ZNF385D: variants seen among roughly 807,000 people sequenced by gnomAD.
ZNF385D encodes zinc finger protein 659.
Under a neutral mutation model 35.8 loss-of-function variants are expected in ZNF385D, and 15 were observed. That is an observed-to-expected ratio of 0.42 (90% CI 0.28 to 0.64). ZNF385D has a LOEUF of 0.64. ZNF385D is among the 30% of genes least tolerant of loss of function. The probability of loss-of-function intolerance (pLI) is 0.23; values close to 1 mark genes in which losing one functional copy is unlikely to be tolerated. For missense variants in ZNF385D, 474 were observed against 494.6 expected (o/e 0.96, Z 0.39); for synonymous variants, 212 against 186.8 (o/e 1.13, Z -1.10).
intron 3 of ZNF385D, among the ~76,000 whole-genome samples, chr3:21,934,105 T>G (rs1385092126): frequency 6.6e-6 from 1 of 152,178 alleles, no homozygotes; most frequent in African/African-American, 2.4e-5. Context: ...GAGCATGCTT[T>G]TCAGCCAAGG....
At chr3:22,325,805 G>A (rs1459224042) in intron 2 of ZNF385D, among the ~76,000 whole-genome samples, 1 of 151,400 alleles carries the variant, frequency 6.6e-6, no homozygotes, top group Non-Finnish European at 1.5e-5. Context: ...TTCTCTTTGG[G>A]TATCATGAGG....
intron 1 of ZNF385D, among the ~76,000 whole-genome samples, chr3:21,737,617 A>G (rs1003708905): frequency 9.2e-5 from 14 of 152,172 alleles, no homozygotes; most frequent in African/African-American, 2.4e-4. Flanking sequence ...AGTTTTCACT[A>G]TTTATACTTT....
chr3:21,791,891 C>T (rs1296089141), intron 3 of ZNF385D, among the ~76,000 whole-genome samples: 5 of 152,050 alleles, frequency 3.3e-5, no homozygotes, highest in Admixed American at 6.6e-5. Flanking sequence ...CGTGCCACCA[C>T]GCCCAGCTAA....
chr3:22,143,059 T>TTGTGTTTGTG (rs1553616227), intron 3 of ZNF385D, among the ~76,000 whole-genome samples: 3 of 140,916 alleles, frequency 2.1e-5, no homozygotes, highest in Admixed American at 7.1e-5. Context: ...ATTAAATCGG[T>TTGTGTTTGTG]TGTGTGTGTG....
chr3:21,501,899 A>G (rs1706395919), intron 4 of ZNF385D, among the ~76,000 whole-genome samples: 1 of 152,190 alleles, frequency 6.6e-6, no homozygotes, highest in Admixed American at 6.5e-5. Context: ...CCAGATGTCT[A>G]TTATATCATA....
chr3:22,257,334 C>T (rs1310416408), intron 2 of ZNF385D, among the ~76,000 whole-genome samples: 3 of 151,770 alleles, frequency 2.0e-5, no homozygotes, highest in East Asian at 3.9e-4. Context: ...AAGGAAACCA[C>T]CATCAAGCAT....
At position 22,173,625 on chromosome 3, in the gene ZNF385D, G is replaced by C. The variant is rs568784889; in HGVS notation, c.107-4590C>G. On this transcript the variant is annotated intron_variant, in intron 2 of 5. Coordinates refer to the ZNF385D transcript ENST00000494108. The stretch of plus-strand genomic sequence containing the variant: ...TTTATCCCTTGCTCATTCATCTCAC[G>C]GTAGAAATAAATTATGTGATTTGAA... 2.4e-3 allele frequency among the ~76,000 whole-genome samples: 369 copies of C among 152,220 alleles called. 2 individuals carry two copies. The highest frequency in any genetic ancestry group is 7.3e-3 in the African/African-American group (305 of 41,530).
chr3:22,341,205 T>G (rs1695405962), intron 2 of ZNF385D, among the ~76,000 whole-genome samples: 1 of 152,212 alleles, frequency 6.6e-6, no homozygotes, highest in Non-Finnish European at 1.5e-5. Context: ...CCAATCTCTC[T>G]TCAAACTCTT....
chr3:21,480,233 G>A (rs952237209), intron 4 of ZNF385D, among the ~76,000 whole-genome samples: 5 of 151,330 alleles, frequency 3.3e-5, no homozygotes, highest in Non-Finnish European at 5.9e-5. Flanking sequence ...CTCCCAAGTA[G>A]CTTGGATTAC....
chr3:21,617,144 A>G (rs1178930251), intron 2 of ZNF385D, among the ~76,000 whole-genome samples: 1 of 152,200 alleles, frequency 6.6e-6, no homozygotes, highest in African/African-American at 2.4e-5. Flanking sequence ...GTTAAGTATT[A>G]GAGAATTCTG....
At chr3:21,456,371 C>T (rs56316641) in intron 4 of ZNF385D, among the ~76,000 whole-genome samples, 53,852 of 151,960 alleles carry the variant, frequency 0.35, 10,007 homozygotes, top group Middle Eastern at 0.5. Flanking sequence ...GTTAAGAAAA[C>T]GTGGCACATA....
intron 3 of ZNF385D, among the ~76,000 whole-genome samples, chr3:22,036,963 T>C (rs889618512): frequency 6.7e-6 from 1 of 150,012 alleles, no homozygotes; most frequent in African/African-American, 2.5e-5. Flanking sequence ...ACATGTGGTG[T>C]TTGGTTTTTT....
chr3:22,023,302 A>G (rs142330282), intron 3 of ZNF385D, among the ~76,000 whole-genome samples: 2,652 of 152,286 alleles, frequency 0.017, 27 homozygotes, highest in Non-Finnish European at 0.028. Flanking sequence ...GGTGCCACCA[A>G]TTAGCTCAGT....
intron 3 of ZNF385D, among the ~76,000 whole-genome samples, chr3:22,132,075 G>A (rs1703830858): frequency 6.6e-6 from 1 of 152,136 alleles, no homozygotes; most frequent in Admixed American, 6.6e-5. Context: ...AAAACGTTTA[G>A]GGTATATGCA....
intron 5 of ZNF385D, among the ~76,000 whole-genome samples, chr3:21,436,588 C>T (rs1394298894): frequency 6.6e-6 from 1 of 152,034 alleles, no homozygotes; most frequent in South Asian, 2.1e-4. Context: ...TGCTTAGAGT[C>T]ACGCAACTAC....
chr3:21,994,653 T>A (rs1453867452), intron 3 of ZNF385D, among the ~76,000 whole-genome samples: 5 of 152,264 alleles, frequency 3.3e-5, no homozygotes, highest in Admixed American at 2.6e-4. Context: ...ATATCTGATA[T>A]AAGTCACTTC....
At chr3:21,510,818 AC>A in intron 4 of ZNF385D, 42 bp downstream of exon 4, 1 of 1,604,352 alleles carries the variant, frequency 6.2e-7, no homozygotes, top group Non-Finnish European at 8.5e-7. Flanking sequence ...GGAATCCCCA[AC>A]GACGACGACG....
intron 3 of ZNF385D, among the ~76,000 whole-genome samples, chr3:21,801,155 T>C (rs2072381320): frequency 6.6e-6 from 1 of 152,192 alleles, no homozygotes; most frequent in African/African-American, 2.4e-5. Flanking sequence ...GAATCACTCT[T>C]ACATTTCTGG....
At chr3:22,118,487 C>T (rs1166482108) in intron 3 of ZNF385D, among the ~76,000 whole-genome samples, 1 of 152,070 alleles carries the variant, frequency 6.6e-6, no homozygotes, top group East Asian at 1.9e-4. Flanking sequence ...AGGTTGTAGA[C>T]TGTACATCTC....
Sources: gnomAD v4.1 joint callset for allele counts (sites outside exome capture counted in the v4.1 genomes callset) on GRCh38, gnomAD v4.1.1 for gene constraint, MANE v1.5 for transcripts, NCBI Gene and HGNC (gene_info 2026-07-23, HGNC 2026-07-21) for gene names.